MALRD1: variants seen among roughly 807,000 people sequenced by gnomAD.
MALRD1 encodes the protein MAM and LDL-receptor class A domain-containing protein 1.
MALRD1 carries 247 observed loss-of-function variants against 242.1 expected under a neutral mutation model. The observed-to-expected ratio is 1.02, with a 90% CI of 0.92 to 1.13. The LOEUF is 1.13. Among genes scored for constraint, MALRD1 ranks in the 50% most tolerant of loss-of-function variants. The pLI, the probability that MALRD1 is intolerant of heterozygous loss-of-function variation, is 0.00. For missense variants in MALRD1, 2,989 were observed against 2,533.1 expected, an observed-to-expected ratio of 1.18 and a Z score of -3.86; for synonymous variants, 995 against 866.6, an observed-to-expected ratio of 1.15 and a Z score of -2.60.
intron 23 of MALRD1, among the ~76,000 whole-genome samples, 178 bp downstream of exon 23, chr10:19,327,851 C>A (rs1843203334): frequency 6.6e-6 from 1 of 152,108 alleles, no homozygotes; most frequent in Admixed American, 6.6e-5. Flanking sequence ...TTGACAACTT[C>A]AGAATGCTCT....
chr10:19,608,342 A>G (rs1015619598), intron 35 of MALRD1, among the ~76,000 whole-genome samples: 2 of 152,076 alleles, frequency 1.3e-5, no homozygotes, highest in Admixed American at 6.6e-5. Flanking sequence ...TAGCAAATCT[A>G]TTAAACCTTA....
chr10:19,503,423 A>G (rs1480256252), intron 31 of MALRD1, among the ~76,000 whole-genome samples: 1 of 152,226 alleles, frequency 6.6e-6, no homozygotes, highest in Non-Finnish European at 1.5e-5. Flanking sequence ...GGCCATTTTC[A>G]CTGCCCATCA....
At chr10:19,495,199 A>C (rs1382934644) in intron 30 of MALRD1, among the ~76,000 whole-genome samples, 1 of 151,686 alleles carries the variant, frequency 6.6e-6, no homozygotes, top group Non-Finnish European at 1.5e-5. Flanking sequence ...CTGGTTTCAA[A>C]CTCCTGATCT....
chr10:19,385,472 G>T (rs1209889931), intron 26 of MALRD1, among the ~76,000 whole-genome samples: 1 of 151,882 alleles, frequency 6.6e-6, no homozygotes, highest in Non-Finnish European at 1.5e-5. Context: ...GTCTTAGTAG[G>T]CTGTAGGAAT....
At chr10:19,123,215 G>A (rs1588577484) in intron 5 of MALRD1, among the ~76,000 whole-genome samples, 1 of 152,128 alleles carries the variant, frequency 6.6e-6, no homozygotes, top group Non-Finnish European at 1.5e-5. Context: ...TTTGGGGCTT[G>A]CCTGTCATTA....
intron 5 of MALRD1, among the ~76,000 whole-genome samples, chr10:19,120,600 G>A (rs1231333146): frequency 6.6e-6 from 1 of 151,880 alleles, no homozygotes; most frequent in Non-Finnish European, 1.5e-5. Flanking sequence ...GAGATAGAAA[G>A]CAGATGTAGT....
At chr10:19,117,888 A>G (rs111786717) in intron 5 of MALRD1, among the ~76,000 whole-genome samples, 1 of 152,222 alleles carries the variant, frequency 6.6e-6, no homozygotes, top group East Asian at 1.9e-4. Context: ...TCAAACAAGT[A>G]TACATTGAGC....
intron 18 of MALRD1, among the ~76,000 whole-genome samples, chr10:19,237,013 A>G (rs1161869469): frequency 2.0e-5 from 3 of 152,028 alleles, no homozygotes; most frequent in East Asian, 1.9e-4. Context: ...AAATTTTCAC[A>G]TTGTAATTAT....
At chr10:19,385,608 T>G (rs1205169024) in intron 26 of MALRD1, among the ~76,000 whole-genome samples, 2 of 152,080 alleles carry the variant, frequency 1.3e-5, no homozygotes, top group East Asian at 3.8e-4. Flanking sequence ...ATTTCTAAGT[T>G]TATTTATCTG....
At chr10:19,102,712 ATG>A (rs1836311478) in intron 4 of MALRD1, among the ~76,000 whole-genome samples, 1 of 152,204 alleles carries the variant, frequency 6.6e-6, no homozygotes, top group Non-Finnish European at 1.5e-5. Context: ...TGCCATCAAC[ATG>A]CCAATTTTCT....
intron 32 of MALRD1, among the ~76,000 whole-genome samples, chr10:19,553,114 C>T (rs573477424): frequency 1.4e-4 from 21 of 151,978 alleles, no homozygotes; most frequent in African/African-American, 3.4e-4. Flanking sequence ...TATATGCACT[C>T]GTGTTCACCT....
At position 19,134,369 on chromosome 10, in the gene MALRD1, C is replaced by A. The variant is rs182880704; in HGVS notation, c.1203+421C>A. On this transcript the variant is annotated intron_variant, in intron 9 of 39. Coordinates refer to ENST00000454679, the MANE Select transcript of MALRD1 (RefSeq NM_001142308.3). ...TATGTACACCAAGAAACATATGAAA[C>A]ATACATAGGCTCAATAGGAATGCTG... Among the ~76,000 whole-genome samples the A allele has an allele frequency of 1.5e-3, 235 of 152,302 alleles. 1 individual carries two copies. The highest frequency in any genetic ancestry group is 3.9e-4 in the East Asian group (2 of 5,186).
intron 32 of MALRD1, among the ~76,000 whole-genome samples, chr10:19,550,614 C>G (rs1031962694): frequency 9.2e-5 from 14 of 152,072 alleles, no homozygotes; most frequent in African/African-American, 3.4e-4. Context: ...TCTGTTCCAG[C>G]ATTAGTTTCC....
intron 24 of MALRD1, among the ~76,000 whole-genome samples, chr10:19,334,408 C>G (rs1259966286): frequency 6.7e-6 from 1 of 149,860 alleles, no homozygotes; most frequent in Non-Finnish European, 1.5e-5. Flanking sequence ...ATAACTGAAT[C>G]TTAAAAAAAA....
At chr10:19,552,182 G>C (rs1260445565) in intron 32 of MALRD1, among the ~76,000 whole-genome samples, 1 of 151,978 alleles carries the variant, frequency 6.6e-6, no homozygotes, top group Non-Finnish European at 1.5e-5. Flanking sequence ...GCTATTCTTT[G>C]TACATCTGGT....
chr10:19,341,601 G>C (rs201709450), intron 24 of MALRD1, among the ~76,000 whole-genome samples: 2 of 135,274 alleles, frequency 1.5e-5, no homozygotes, highest in Non-Finnish European at 1.6e-5. Context: ...CACACACACA[G>C]ATATTACAGT....
At chr10:19,195,567 C>A (rs1268088947) in intron 14 of MALRD1, among the ~76,000 whole-genome samples, 1 of 152,088 alleles carries the variant, frequency 6.6e-6, no homozygotes, top group Non-Finnish European at 1.5e-5. Context: ...TTTTTCATAC[C>A]CACCTGCAAG....
intron 31 of MALRD1, among the ~76,000 whole-genome samples, chr10:19,516,931 AAC>A (rs1833661294): frequency 6.6e-6 from 1 of 152,154 alleles, no homozygotes. Flanking sequence ...AGTCTGCCTA[AAC>A]CAAGAAAGAA....
chr10:19,162,746 C>T (rs1834487473), intron 12 of MALRD1, among the ~76,000 whole-genome samples: 1 of 151,022 alleles, frequency 6.6e-6, no homozygotes, highest in Non-Finnish European at 1.5e-5. Context: ...TTGCAGAAAG[C>T]AGTATGGCAA....
Sources: allele counts gnomAD v4.1 joint callset (sites outside exome capture counted in the v4.1 genomes callset), GRCh38; gene constraint gnomAD v4.1.1; transcripts MANE v1.5; gene names NCBI Gene and HGNC (gene_info 2026-07-23, HGNC 2026-07-21).